The following GAB2 variants were observed in gnomAD, a reference collection of about 807,000 sequenced individuals.
GAB2 encodes the protein GRB2-associated-binding protein 2.
GAB2 carries 26 observed loss-of-function variants against 65.5 expected under a neutral mutation model. That is an observed-to-expected ratio of 0.40 (90% CI 0.29 to 0.55). The LOEUF is 0.55. Ranked by LOEUF, GAB2 falls within the 20% of genes least tolerant of loss-of-function variation. The pLI is 0.53. For synonymous variants in GAB2, 321 were observed against 329.6 expected (o/e 0.97, Z 0.28); for missense variants, 884 against 875.8 (o/e 1.01, Z -0.12).
intron 1 of GAB2, among the ~76,000 whole-genome samples, chr11:78,374,287 AATT>A (rs1341360987): frequency 6.6e-6 from 1 of 152,180 alleles, no homozygotes; most frequent in Admixed American, 6.5e-5. Flanking sequence ...AGAAAAACAA[AATT>A]ATTAAGACCA....
chr11:78,261,610 G>A (rs888324792), intron 2 of GAB2, among the ~76,000 whole-genome samples: 7 of 152,236 alleles, frequency 4.6e-5, no homozygotes, highest in South Asian at 2.1e-4. Flanking sequence ...CTGTTCCTTC[G>A]TGTGGGGCTT....
intron 1 of GAB2, among the ~76,000 whole-genome samples, chr11:78,364,729 C>T (rs970756589): frequency 1.3e-5 from 2 of 152,036 alleles, no homozygotes; most frequent in African/African-American, 4.8e-5. Context: ...TGTTTAAGTT[C>T]TTCAAAAAAG....
chr11:78,356,953 A>G (rs1250582525), intron 1 of GAB2, among the ~76,000 whole-genome samples: 1 of 152,232 alleles, frequency 6.6e-6, no homozygotes, highest in African/African-American at 2.4e-5. Flanking sequence ...TCAAATTCAT[A>G]AGGACAAAAA....
chr11:78,317,737 A>C (rs896981134), intron 1 of GAB2, among the ~76,000 whole-genome samples: 1 of 152,116 alleles, frequency 6.6e-6, no homozygotes, highest in African/African-American at 2.4e-5. Flanking sequence ...CTTTTGTTTC[A>C]AGGTTCTTTT....
At chr11:78,371,619 G>A (rs1045907173) in intron 1 of GAB2, among the ~76,000 whole-genome samples, 1 of 152,156 alleles carries the variant, frequency 6.6e-6, no homozygotes, top group Non-Finnish European at 1.5e-5. Context: ...ATGAGGATGG[G>A]ATTATTTCTT....
At position 78,226,495 on chromosome 11, in the gene GAB2, GGA is replaced by G; in HGVS notation, c.1175_1176del (p.Leu392ProfsTer15). The G allele has an allele frequency of 6.2e-7, 1 of 1,613,970 alleles. No homozygotes were observed. The highest frequency in any genetic ancestry group is 8.5e-7 in the Non-Finnish European group (1 of 1,179,888). ...VAATIPRRNT[L>X]PAMDNSRLHR... is the part of the protein sequence containing the mutation. ...TGAAGTCGGCTGTTGTCCATTGCAG[GGA>G]GGGTGTTGCGTCTGGGGATGGTGGC... On this transcript the variant is annotated frameshift_variant, in exon 4 of 10. Transcript: ENST00000361507. LOFTEE classifies it high-confidence loss of function.
chr11:78,350,746 T>C (rs1182452539), intron 1 of GAB2, among the ~76,000 whole-genome samples: 1 of 152,222 alleles, frequency 6.6e-6, no homozygotes, highest in Non-Finnish European at 1.5e-5. Context: ...ACTGCAATTT[T>C]ACTAAAGCTC....
chr11:78,281,313 T>G (rs1233512497), intron 1 of GAB2, among the ~76,000 whole-genome samples: 1 of 152,110 alleles, frequency 6.6e-6, no homozygotes, highest in African/African-American at 2.4e-5. Flanking sequence ...TGGCATGATC[T>G]TGGCTCACTG....
rs1856835044 is a variant in GAB2, at chr11:78,391,626, A to G, written c.75+26020T>C. 3.3e-5 allele frequency among the ~76,000 whole-genome samples: 5 copies of G among 152,308 alleles called. No homozygotes were observed. In the South Asian group the frequency reaches 1.0e-3, roughly 32 times the overall value. On this transcript the variant is annotated intron_variant, in intron 1 of 9. Coordinates refer to ENST00000361507, the MANE Select transcript of GAB2 (RefSeq NM_080491.3). ...GGTAGGTGCTCTCATCAACAACTGC[A>G]GCTGAGCAGAGCCTTTGAGTCATCC...
intron 3 of GAB2, chr11:78,231,910 T>G (rs1270671670): frequency 6.6e-6 from 1 of 152,226 alleles, no homozygotes; most frequent in African/African-American, 2.4e-5. Context: ...TCACTGGCCA[T>G]GTTTAAGAGG....
intron 1 of GAB2, among the ~76,000 whole-genome samples, chr11:78,355,770 C>T (rs1380773042): frequency 2.0e-5 from 3 of 150,278 alleles, no homozygotes; most frequent in Non-Finnish European, 4.4e-5. Flanking sequence ...ACAGAAGTAC[C>T]AAGTATACTG....
chr11:78,286,638 G>T (rs1375886121), intron 1 of GAB2, among the ~76,000 whole-genome samples: 6 of 140,410 alleles, frequency 4.3e-5, no homozygotes, highest in Non-Finnish European at 9.3e-5. Flanking sequence ...AAACTTATAC[G>T]TAAGCTTTCA....
chr11:78,266,782 A>G (rs1459902573), intron 2 of GAB2, among the ~76,000 whole-genome samples: 7 of 152,216 alleles, frequency 4.6e-5, no homozygotes, highest in African/African-American at 1.7e-4. Context: ...ACTGGAGAAC[A>G]TAACAAGGCT....
intron 1 of GAB2, among the ~76,000 whole-genome samples, chr11:78,297,330 A>G (rs1379340463): frequency 1.3e-5 from 2 of 152,114 alleles, no homozygotes; most frequent in Non-Finnish European, 2.9e-5. Context: ...CCTCCAGAAA[A>G]TAACATATTT....
chr11:78,296,683 C>T (rs946381081), intron 1 of GAB2, among the ~76,000 whole-genome samples: 5 of 152,084 alleles, frequency 3.3e-5, no homozygotes, highest in South Asian at 2.1e-4. Flanking sequence ...GGAATGTGCA[C>T]GTCAGGAGAC....
At chr11:78,249,842 T>C (rs2512547) in intron 3 of GAB2, among the ~76,000 whole-genome samples, 33,775 of 150,768 alleles carry the variant, frequency 0.22, 4,152 homozygotes, top group East Asian at 0.4. Context: ...CCCAAGTAAA[T>C]TGACTGTTTT....
At chr11:78,383,207 G>A (rs1856719647) in intron 1 of GAB2, among the ~76,000 whole-genome samples, 1 of 152,178 alleles carries the variant, frequency 6.6e-6, no homozygotes, top group African/African-American at 2.4e-5. Context: ...GGGAGGCAGA[G>A]GTTGCAGTGA....
intron 1 of GAB2, among the ~76,000 whole-genome samples, chr11:78,310,542 C>CAAA (rs1855478588): frequency 1.4e-5 from 2 of 147,548 alleles, no homozygotes; most frequent in Admixed American, 6.7e-5. Flanking sequence ...AAAAAAAAAT[C>CAAA]AAAATGAAAG....
At chr11:78,405,091 AT>A (rs1174366754) in intron 1 of GAB2, among the ~76,000 whole-genome samples, 3,976 of 93,228 alleles carry the variant, frequency 0.043, 144 homozygotes, top group African/African-American at 0.18. Context: ...AAAAACATGG[AT>A]TTTTTTTTTT....
Sources: allele counts gnomAD v4.1 joint callset (sites outside exome capture counted in the v4.1 genomes callset), GRCh38; gene constraint gnomAD v4.1.1; transcripts MANE v1.5; gene names NCBI Gene and HGNC (gene_info 2026-07-23, HGNC 2026-07-21).